The following HDAC4 variants were observed in gnomAD, a reference collection of about 807,000 sequenced individuals.
HDAC4 encodes histone deacetylase 4.
Under a neutral mutation model 135.1 loss-of-function variants are expected in HDAC4, and 16 were observed. The ratio of observed to expected loss-of-function variants is 0.12; its 90% CI spans 0.08 to 0.18. HDAC4 has a LOEUF of 0.18. Among genes scored for constraint, HDAC4 ranks in the 10% least tolerant of loss-of-function variants. The pLI is 1.00. For synonymous variants in HDAC4, 685 were observed against 653.4 expected (o/e 1.05, Z -0.74); for missense variants, 1,143 against 1,511.8 (o/e 0.76, Z 4.05).
At chr2:239,351,012 G>A (rs1294905525) in intron 2 of HDAC4, among the ~76,000 whole-genome samples, 1 of 152,176 alleles carries the variant, frequency 6.6e-6, no homozygotes, top group South Asian at 2.1e-4. Flanking sequence ...AAAAATGAGA[G>A]AGACTGAACC....
rs2040819546 is a variant in HDAC4, at chr2:239,134,540, G to A, written c.1082C>T (p.Thr361Ile). 6.2e-7 allele frequency: 1 copy of A among 1,613,990 alleles called. No homozygotes were observed. The highest frequency in any genetic ancestry group is 8.5e-7 in the Non-Finnish European group (1 of 1,179,988). Reference sequence around the variant, plus strand: ...GGGCTGACTTACCGCAGAGGGGCCGGTGGCAGGCAGGCCCAGCGTGATGTT... The same window carrying A: ...GGGCTGACTTACCGCAGAGGGGCCGATGGCAGGCAGGCCCAGCGTGATGTT... The part of the protein sequence containing the change: ...LPNITLGLPA[T>I]GPSAGTAGQQ... Residue 361 changes from threonine to isoleucine, a missense_variant, in exon 10 of 27, where the codon ACC (threonine) becomes ATC (isoleucine). By Grantham distance (89) the Thr-to-Ile change is moderately conservative. Transcript: ENST00000543185.
chr2:239,063,270 G>A (rs1244509327), intron 24 of HDAC4, among the ~76,000 whole-genome samples: 20 of 151,748 alleles, frequency 1.3e-4, no homozygotes, highest in Admixed American at 2.0e-4. Flanking sequence ...GCGCGATCTC[G>A]GCTCACTGCA....
At chr2:239,082,502 C>T (rs3752756) in intron 20 of HDAC4, among the ~76,000 whole-genome samples, 2 of 152,228 alleles carry the variant, frequency 1.3e-5, no homozygotes, top group Non-Finnish European at 2.9e-5. Context: ...CTCCAGCAGC[C>T]GATGGGGCTG....
chr2:239,358,583 C>T (rs2125948365), intron 1 of HDAC4, among the ~76,000 whole-genome samples: 1 of 152,318 alleles, frequency 6.6e-6, no homozygotes, highest in Non-Finnish European at 1.5e-5. Flanking sequence ...GCAGGGCCCT[C>T]TCAGCAGGCA....
At chr2:239,190,149 C>T in intron 3 of HDAC4, 72 bp from the exon 4 acceptor site, 1 of 1,522,514 alleles carries the variant, frequency 6.6e-7, no homozygotes. Flanking sequence ...AGCCCCCACC[C>T]AACACACTGG....
chr2:239,346,199 C>A (rs1481765846), intron 2 of HDAC4, among the ~76,000 whole-genome samples: 1 of 138,602 alleles, frequency 7.2e-6, no homozygotes, highest in East Asian at 2.0e-4. Flanking sequence ...CTAAAACACA[C>A]ATACATACCT....
chr2:239,374,400 T>TGC (rs1694852363), intron 1 of HDAC4, among the ~76,000 whole-genome samples: 3 of 90,530 alleles, frequency 3.3e-5, no homozygotes, highest in African/African-American at 1.6e-4. Flanking sequence ...TTTTTTTTTT[T>TGC]TTTTTTTTTT....
At position 239,048,728 on chromosome 2, in the gene HDAC4, A is replaced by T. The variant is rs1381780534; in HGVS notation, c.*4369T>A. ...AGACTTTTAATCAATGCCAGAGACAAAGTGAGGCCGAGCTAAGAACACGCT... is the reference window on the plus strand; with the variant it reads ...AGACTTTTAATCAATGCCAGAGACATAGTGAGGCCGAGCTAAGAACACGCT... On this transcript the variant is annotated 3_prime_UTR_variant, in exon 27 of 27. Coordinates refer to ENST00000543185, the MANE Select transcript of HDAC4 (RefSeq NM_001378414.1). 1 of 152,278 alleles carries T rather than the reference A, an allele frequency of 6.6e-6. No individual in the cohort carries two copies. The highest frequency in any genetic ancestry group is 1.5e-5 in the Non-Finnish European group (1 of 68,040). 9.4% of individuals were successfully genotyped at this position (152,278 alleles called of 1,614,324 possible).
At chr2:239,200,364 C>T (rs1168542824) in intron 3 of HDAC4, among the ~76,000 whole-genome samples, 1 of 152,136 alleles carries the variant, frequency 6.6e-6, no homozygotes, top group African/African-American at 2.4e-5. Flanking sequence ...GTTGTATTTA[C>T]CATGGTGGGG....
rs949727151 is a variant in HDAC4, at chr2:239,050,050, G to A, written c.*3047C>T. ...CCTCCCTGACGTGGTCCCGCCTGCA[G>A]ACGCCGAGGCAGATCCTCTGCCATC... is the stretch of plus-strand genomic sequence containing the variant. On this transcript the variant is annotated 3_prime_UTR_variant, in exon 27 of 27. Coordinates refer to ENST00000543185, the MANE Select transcript of HDAC4 (RefSeq NM_001378414.1). The A allele has an allele frequency of 3.9e-5, 6 of 152,678 alleles. No homozygotes were observed. The highest frequency in any genetic ancestry group is 1.4e-4 in the African/African-American group (6 of 41,480). The allele number at this position is 152,678 out of a possible 1,614,324, so 9.5% of individuals were successfully genotyped here.
intron 1 of HDAC4, among the ~76,000 whole-genome samples, chr2:239,388,706 T>C (rs1206086224): frequency 6.6e-6 from 1 of 152,206 alleles, no homozygotes; most frequent in African/African-American, 2.4e-5. Flanking sequence ...CCGCAGGGAC[T>C]CTGCCACACA....
At chr2:239,124,535 T>G (rs1167768438) in intron 12 of HDAC4, among the ~76,000 whole-genome samples, 1 of 152,138 alleles carries the variant, frequency 6.6e-6, no homozygotes, top group Non-Finnish European at 1.5e-5. Context: ...TGCCGGCGTG[T>G]GGCCGTGCGT....
At chr2:239,250,452 G>A (rs2048723206) in intron 2 of HDAC4, among the ~76,000 whole-genome samples, 2 of 152,206 alleles carry the variant, frequency 1.3e-5, no homozygotes, top group Non-Finnish European at 2.9e-5. Context: ...GGCCCCGCAC[G>A]GCCCAGCTCC....
At chr2:239,083,958 G>A (rs187399889) in intron 20 of HDAC4, among the ~76,000 whole-genome samples, 197 bp downstream of exon 20, 75 of 152,342 alleles carry the variant, frequency 4.9e-4, no homozygotes, top group African/African-American at 1.7e-3. Context: ...GACCCCATTC[G>A]CCAGGGTCGG....
rs138026579 is a variant in HDAC4 at position 239,348,902 on chromosome 2, G to A, written c.22+3776C>T. Among the ~76,000 whole-genome samples the A allele has an allele frequency of 5.0e-3, 765 of 152,300 alleles. 3 individuals are homozygous for A. Among genetic ancestry groups the A allele is most frequent in the Non-Finnish European group, 7.3e-3 (498 of 68,018 alleles). ...GGGCCTGGCTCTGGCAAAGTTCAGC[G>A]GGAACAGCAATAAAACCGTAACACA... On this transcript the variant is annotated intron_variant, in intron 2 of 26. Coordinates refer to ENST00000543185, the MANE Select transcript of HDAC4 (RefSeq NM_001378414.1).
At chr2:239,173,981 G>A (rs188132207) in intron 5 of HDAC4, among the ~76,000 whole-genome samples, 1 of 152,190 alleles carries the variant, frequency 6.6e-6, no homozygotes, top group East Asian at 1.9e-4. Context: ...ATTAAAGAAG[G>A]TAAATAATCA....
At chr2:239,397,133 T>C (rs1453635052) in intron 1 of HDAC4, among the ~76,000 whole-genome samples, 1 of 152,206 alleles carries the variant, frequency 6.6e-6, no homozygotes, top group Non-Finnish European at 1.5e-5. Flanking sequence ...CGTCCTCTTC[T>C]CTAAGAGGCT....
chr2:239,311,531 T>C (rs2052878065), intron 2 of HDAC4, among the ~76,000 whole-genome samples: 1 of 152,068 alleles, frequency 6.6e-6, no homozygotes, highest in Non-Finnish European at 1.5e-5. Flanking sequence ...ATTTACGATA[T>C]AAAACGGCAC....
At chr2:239,304,488 A>G (rs1400816064) in intron 2 of HDAC4, among the ~76,000 whole-genome samples, 1 of 152,232 alleles carries the variant, frequency 6.6e-6, no homozygotes, top group Non-Finnish European at 1.5e-5. Context: ...TAGAGGCTAT[A>G]ACGTAACAGA....
Sources: gnomAD v4.1 joint callset for allele counts (sites outside exome capture counted in the v4.1 genomes callset) on GRCh38, gnomAD v4.1.1 for gene constraint, MANE v1.5 for transcripts, NCBI Gene and HGNC (gene_info 2026-07-23, HGNC 2026-07-21) for gene names.